The following CDC42SE2 variants were observed in gnomAD, a reference collection of about 807,000 sequenced individuals.
CDC42SE2 encodes CDC42 small effector protein 2.
A neutral mutation model predicts 11.5 loss-of-function variants in CDC42SE2; 3 were observed. That is an observed-to-expected ratio of 0.26 (90% CI 0.12 to 0.67). The LOEUF (loss-of-function observed/expected upper bound fraction) is 0.67. CDC42SE2 is among the 30% of genes least tolerant of loss of function. CDC42SE2 has a pLI of 0.80. For synonymous variants in CDC42SE2, 33 were observed against 34.8 expected, an observed-to-expected ratio of 0.95 and a Z score of 0.18; for missense variants, 82 against 106.8, an observed-to-expected ratio of 0.77 and a Z score of 1.02.
chr5:131,231,369 T>C, the CDC42SE2 span, among the ~76,000 whole-genome samples: 8 of 152,218 alleles, frequency 5.3e-5, no homozygotes, highest in Admixed American at 5.2e-4. Flanking sequence ...ATAAAACTAT[T>C]AGAAGTATTT....
At chr5:131,380,264 C>T (rs1166539830) in intron 3 of CDC42SE2, among the ~76,000 whole-genome samples, 1 of 152,154 alleles carries the variant, frequency 6.6e-6, no homozygotes, top group African/African-American at 2.4e-5. Context: ...CCTTGCCCCC[C>T]TCCCACTCTT....
At chr5:131,257,177 T>C (rs1756685197) in intron 2 of CDC42SE2, among the ~76,000 whole-genome samples, 1 of 151,678 alleles carries the variant, frequency 6.6e-6, no homozygotes, top group African/African-American at 2.4e-5. Flanking sequence ...GGGGGAGGAG[T>C]GTAGATGGGT....
At chr5:131,363,266 GAAAA>G (rs35198617) in intron 3 of CDC42SE2, among the ~76,000 whole-genome samples, 4 of 138,986 alleles carry the variant, frequency 2.9e-5, no homozygotes, top group African/African-American at 5.0e-5. Flanking sequence ...CTGATTTACA[GAAAA>G]AAAAAAAAAA....
intron 3 of CDC42SE2, among the ~76,000 whole-genome samples, chr5:131,362,608 G>A (rs532725034): frequency 2.0e-5 from 3 of 152,140 alleles, no homozygotes; most frequent in South Asian, 2.1e-4. Context: ...TGTGAAAAAG[G>A]AACAACCCAA....
intron 2 of CDC42SE2, among the ~76,000 whole-genome samples, chr5:131,335,254 A>G (rs1490461205): frequency 3.9e-5 from 6 of 152,216 alleles, no homozygotes. Context: ...CAGGTTGTTC[A>G]GTTTCCATGT....
At chr5:131,265,951 A>G (rs2149689131) in intron 1 of CDC42SE2, among the ~76,000 whole-genome samples, 1 of 152,376 alleles carries the variant, frequency 6.6e-6, no homozygotes, top group Middle Eastern at 3.4e-3. Flanking sequence ...GATAAACAGT[A>G]GATTCCTTTT....
intron 2 of CDC42SE2, among the ~76,000 whole-genome samples, chr5:131,327,163 A>T (rs1030243049): frequency 2.0e-5 from 3 of 151,734 alleles, no homozygotes; most frequent in Non-Finnish European, 2.9e-5. Context: ...GTAAGTTGAA[A>T]TTTTTTCTAT....
intron 1 of CDC42SE2, among the ~76,000 whole-genome samples, chr5:131,249,366 T>G (rs889455424): frequency 1.3e-5 from 2 of 152,184 alleles, no homozygotes; most frequent in African/African-American, 4.8e-5. Context: ...TCCCAGTAAC[T>G]ATTAATATTT....
intron 1 of CDC42SE2, among the ~76,000 whole-genome samples, chr5:131,296,949 T>G (rs1043902023): frequency 6.6e-6 from 1 of 152,102 alleles, no homozygotes; most frequent in African/African-American, 2.4e-5. Context: ...CCACTCCACC[T>G]CTCTTAATAA....
At chr5:131,216,896 AGAAGTTGATATTGATTCACTC>A in the CDC42SE2 span, among the ~76,000 whole-genome samples, 2 of 152,196 alleles carry the variant, frequency 1.3e-5, no homozygotes, top group Non-Finnish European at 2.9e-5. Context: ...GCTTCACTGG[AGAAGTTGATATTGATTCACTC>A]AGTCTTACCA....
chr5:131,345,752 A>G (rs924622962), intron 2 of CDC42SE2, among the ~76,000 whole-genome samples: 2 of 152,238 alleles, frequency 1.3e-5, no homozygotes, highest in Non-Finnish European at 2.9e-5. Flanking sequence ...CCAGAGAGAA[A>G]GGTCGGGTTA....
At chr5:131,339,246 GAAAAAAAAAAAAAAAAA>G (rs34594352) in intron 2 of CDC42SE2, among the ~76,000 whole-genome samples, 1 of 28,230 alleles carries the variant, frequency 3.5e-5, no homozygotes, top group Non-Finnish European at 7.5e-5. Context: ...GACTCTGTCT[GAAAAAAAAAAAAAAAAA>G]AAAAAAAAAG....
chr5:131,339,229 A>AGAG (rs1758649228), intron 2 of CDC42SE2, among the ~76,000 whole-genome samples: 1 of 127,854 alleles, frequency 7.8e-6, no homozygotes, highest in Non-Finnish European at 1.6e-5. Flanking sequence ...GCGTGGTGAC[A>AGAG]GAGTGAGACT....
chr5:131,236,392 G>A, the CDC42SE2 span, among the ~76,000 whole-genome samples: 1 of 151,918 alleles, frequency 6.6e-6, no homozygotes, highest in Non-Finnish European at 1.5e-5. Flanking sequence ...ATTTTAGTTT[G>A]GGGTTTGAGG....
At chr5:131,277,876 A>G (rs867913495) in intron 1 of CDC42SE2, among the ~76,000 whole-genome samples, 3 of 152,200 alleles carry the variant, frequency 2.0e-5, no homozygotes, top group African/African-American at 7.2e-5. Context: ...TTATGACAGT[A>G]GGGACTTCCT....
intron 2 of CDC42SE2, among the ~76,000 whole-genome samples, chr5:131,348,934 C>G (rs1475004464): frequency 1.3e-5 from 2 of 152,106 alleles, no homozygotes; most frequent in Admixed American, 6.6e-5. Context: ...ACTGGCTAGC[C>G]ACATGTAGAA....
chr5:131,335,595 G>C (rs1758537023), intron 2 of CDC42SE2, among the ~76,000 whole-genome samples: 1 of 152,080 alleles, frequency 6.6e-6, no homozygotes, highest in African/African-American at 2.4e-5. Context: ...TTATCGTGTG[G>C]GAATCTAAGT....
the CDC42SE2 span, among the ~76,000 whole-genome samples, chr5:131,221,029 C>T: frequency 5.3e-5 from 8 of 151,990 alleles, no homozygotes; most frequent in African/African-American, 9.7e-5. Flanking sequence ...GGACTACAGG[C>T]ACCCACCACC....
rs145757353 is a variant in CDC42SE2 at position 131,299,955 on chromosome 5, G to A, written c.-454-16021G>A. Among the ~76,000 whole-genome samples, 699 of 152,226 alleles carry A rather than the reference G, an allele frequency of 4.6e-3. 3 individuals carry two copies. The highest frequency in any genetic ancestry group is 0.014 in the East Asian group (71 of 5,182). On this transcript the variant is annotated intron_variant, in intron 1 of 4. Coordinates refer to ENST00000505065, the MANE Select transcript of CDC42SE2 (RefSeq NM_001375635.1). Reference sequence around the variant, plus strand: ...GAAACCCACCTAAATTATTTGATTCGAAGAGTAAAGTTCTCAAATGGTCTA... The same window carrying A: ...GAAACCCACCTAAATTATTTGATTCAAAGAGTAAAGTTCTCAAATGGTCTA...
Sources: allele counts gnomAD v4.1 joint callset (sites outside exome capture counted in the v4.1 genomes callset), GRCh38; gene constraint gnomAD v4.1.1; transcripts MANE v1.5; gene names NCBI Gene and HGNC (gene_info 2026-07-23, HGNC 2026-07-21).